The following GLCE variants were observed in gnomAD, a reference collection of about 807,000 sequenced individuals.
GLCE encodes the protein glucuronic acid epimerase, also known as D-glucuronyl C5-epimerase.
Under a neutral mutation model 47.9 loss-of-function variants are expected in GLCE, and 19 were observed. The ratio of observed to expected loss-of-function variants is 0.40; its 90% confidence interval spans 0.28 to 0.58. The LOEUF is 0.58. Ranked by LOEUF, GLCE falls within the 20% of genes least tolerant of loss-of-function variation. The pLI, the probability that GLCE is intolerant of heterozygous loss-of-function variation, is 0.48. For missense variants in GLCE, 556 were observed against 743.3 expected, an observed-to-expected ratio of 0.75 and a Z score of 2.93; for synonymous variants, 245 against 263.4, an observed-to-expected ratio of 0.93 and a Z score of 0.68.
intron 3 of GLCE, chr15:69,260,857 C>T (rs1384037998): frequency 8.4e-6 from 4 of 475,140 alleles, no homozygotes; most frequent in Non-Finnish European, 1.5e-5. Context: ...TAGCGTTGCA[C>T]TATTTGTTAA....
At chr15:69,172,575 T>A (rs1308052248) in intron 1 of GLCE, among the ~76,000 whole-genome samples, 1 of 147,624 alleles carries the variant, frequency 6.8e-6, no homozygotes, top group Non-Finnish European at 1.5e-5. Context: ...TCCCTCAAGG[T>A]TATACATATA....
Position 69,268,628 on chromosome 15 carries a change from T to C in GLCE, c.1238T>C (p.Val413Ala). The change falls in exon 5 of 5, where the codon GTA becomes GCA. Residue 413 changes from valine (V) to alanine (A), a missense_variant. Val to Ala is a moderately conservative substitution (Grantham distance 64, BLOSUM62 0). Transcript: ENST00000261858. ...TTTTTTGCTGCTAGTGATTGGCTAGTAAGGAACCAGGATGAGAAAGGTGGC... is the reference window on the plus strand; with the variant it reads ...TTTTTTGCTGCTAGTGATTGGCTAGCAAGGAACCAGGATGAGAAAGGTGGC... ...AAFFAASDWL[V>A]RNQDEKGGWP... 1 of 1,614,198 alleles carries C rather than the reference T, an allele frequency of 6.2e-7. No individual in the cohort carries two copies.
intron 2 of GLCE, among the ~76,000 whole-genome samples, chr15:69,229,596 G>A (rs1430931904): frequency 6.6e-6 from 1 of 151,784 alleles, no homozygotes; most frequent in Non-Finnish European, 1.5e-5. Context: ...ATAATAATAT[G>A]TTATGGAATT....
At chr15:69,253,233 C>T (rs946364834) in intron 2 of GLCE, among the ~76,000 whole-genome samples, 2 of 152,204 alleles carry the variant, frequency 1.3e-5, no homozygotes, top group African/African-American at 2.4e-5. Flanking sequence ...ATGAGAAAGA[C>T]GAAGGCTTCT....
chr15:69,257,228 G>A (rs1305370214), intron 3 of GLCE, among the ~76,000 whole-genome samples: 1 of 152,206 alleles, frequency 6.6e-6, no homozygotes, highest in Non-Finnish European at 1.5e-5. Context: ...GCCCACTCAT[G>A]TCTGTGAAGT....
intron 1 of GLCE, among the ~76,000 whole-genome samples, chr15:69,173,476 G>A (rs2051616573): frequency 6.6e-6 from 1 of 152,170 alleles, no homozygotes; most frequent in Non-Finnish European, 1.5e-5. Context: ...CAGTCTGGAG[G>A]ATGGAACTAG....
At position 69,269,231 on chromosome 15, in the gene GLCE, C is replaced by G; in HGVS notation, c.1841C>G (p.Ala614Gly). 1 of 1,613,590 alleles carries G rather than the reference C, an allele frequency of 6.2e-7. No homozygotes were observed. The highest frequency in any genetic ancestry group is 8.5e-7 in the Non-Finnish European group (1 of 1,179,668). ...AAAAGCTACCTTAAAGGCAGCAGGGCAAAGCACAACTAGAGCTCACAACCA... is the reference window on the plus strand; with the variant it reads ...AAAAGCTACCTTAAAGGCAGCAGGGGAAAGCACAACTAGAGCTCACAACCA... ...RWKSYLKGSR[A>G]KHN The change falls in exon 5 of 5, where the codon GCA becomes GGA. Residue 614 changes from alanine to glycine, a missense_variant. Coordinates refer to ENST00000261858, the MANE Select transcript of GLCE (RefSeq NM_015554.3).
chr15:69,187,820 TG>T (rs1312616379), intron 1 of GLCE, among the ~76,000 whole-genome samples: 1 of 152,308 alleles, frequency 6.6e-6, no homozygotes, highest in African/African-American at 2.4e-5. Flanking sequence ...CTCAGCACTT[TG>T]GGAGGCCCAG....
chr15:69,165,766 C>CTA (rs749003329), intron 1 of GLCE, among the ~76,000 whole-genome samples: 1 of 152,056 alleles, frequency 6.6e-6, no homozygotes, highest in Non-Finnish European at 1.5e-5. Context: ...GCATAGTTGG[C>CTA]TATCATTACA....
intron 1 of GLCE, among the ~76,000 whole-genome samples, chr15:69,174,319 T>C (rs1211200137): frequency 6.6e-6 from 1 of 152,146 alleles, no homozygotes; most frequent in African/African-American, 2.4e-5. Flanking sequence ...TCTAAAAAAA[T>C]GTTAATGTCA....
intron 1 of GLCE, among the ~76,000 whole-genome samples, chr15:69,163,779 C>T (rs2051461363): frequency 6.6e-6 from 1 of 151,966 alleles, no homozygotes; most frequent in East Asian, 1.9e-4. Context: ...TTAGAGAAAC[C>T]CTAAAATTAA....
Position 69,268,846 on chromosome 15 carries a change from G to T in GLCE, c.1456G>T (p.Val486Phe). ...TAAGTTTCTATCTGAGCAGCATGGA[G>T]TTAAAGCTGTGTTTATGAATAAACA... ...PYKFLSEQHG[V>F]KAVFMNKHDW... The change falls in exon 5 of 5, where the codon GTT becomes TTT. Residue 486 changes from valine (V) to phenylalanine (F), a missense_variant. By Grantham distance (50) the Val-to-Phe change is conservative. Transcript: ENST00000261858. 2 of 1,614,206 alleles carry T rather than the reference G, an allele frequency of 1.2e-6. No homozygotes were observed. The highest frequency in any genetic ancestry group is 1.7e-6 in the Non-Finnish European group (2 of 1,180,018).
intron 2 of GLCE, among the ~76,000 whole-genome samples, chr15:69,241,901 CT>C (rs2052676358): frequency 6.6e-6 from 1 of 152,152 alleles, no homozygotes; most frequent in Non-Finnish European, 1.5e-5. Flanking sequence ...TTTGAAATGT[CT>C]TTTCCCCGTC....
At chr15:69,193,759 C>G (rs577118046) in intron 1 of GLCE, among the ~76,000 whole-genome samples, 2 of 152,024 alleles carry the variant, frequency 1.3e-5, no homozygotes, top group Admixed American at 6.6e-5. Flanking sequence ...AAATTTTGTA[C>G]CCTAGATGCC....
intron 1 of GLCE, among the ~76,000 whole-genome samples, chr15:69,204,006 T>C (rs1254173809): frequency 1.3e-5 from 2 of 152,136 alleles, no homozygotes; most frequent in African/African-American, 4.8e-5. Flanking sequence ...TCAGAAGAGG[T>C]AGTACTTTTA....
At chr15:69,258,389 A>G (rs1200139598) in intron 3 of GLCE, among the ~76,000 whole-genome samples, 2 of 152,144 alleles carry the variant, frequency 1.3e-5, no homozygotes, top group African/African-American at 2.4e-5. Flanking sequence ...ATCATACTGT[A>G]TGGTCAATTT....
chr15:69,168,159 A>G (rs1015856359), intron 1 of GLCE, among the ~76,000 whole-genome samples: 3 of 152,150 alleles, frequency 2.0e-5, no homozygotes, highest in Non-Finnish European at 2.9e-5. Context: ...AGAGCCGGAC[A>G]CGGTGATGCA....
chr15:69,191,800 T>G (rs2051917257), intron 1 of GLCE, among the ~76,000 whole-genome samples: 1 of 152,190 alleles, frequency 6.6e-6, no homozygotes, highest in Admixed American at 6.6e-5. Flanking sequence ...ACCTTACAAG[T>G]AGGCCTTTCT....
intron 2 of GLCE, among the ~76,000 whole-genome samples, chr15:69,230,259 G>A (rs73434999): frequency 4.0e-5 from 6 of 150,776 alleles, no homozygotes; most frequent in African/African-American, 7.3e-5. Context: ...AAGATATACC[G>A]TGTAGACACT....
Sources: gnomAD v4.1 joint callset for allele counts (sites outside exome capture counted in the v4.1 genomes callset) on GRCh38, gnomAD v4.1.1 for gene constraint, MANE v1.5 for transcripts, NCBI Gene and HGNC (gene_info 2026-07-23, HGNC 2026-07-21) for gene names.